The following DNAJC3 variants were observed in gnomAD, a reference collection of about 807,000 sequenced individuals.
DNAJC3 encodes the protein DnaJ heat shock protein family (Hsp40) member C3.
Under a neutral mutation model 68.6 loss-of-function variants are expected in DNAJC3, and 38 were observed. That is an observed-to-expected ratio of 0.55 (90% CI 0.43 to 0.73). The LOEUF (loss-of-function observed/expected upper bound fraction) is 0.73. Among genes scored for constraint, DNAJC3 ranks in the 30% least tolerant of loss-of-function variants. The pLI, the probability that DNAJC3 is intolerant of heterozygous loss-of-function variation, is 0.00. For missense variants in DNAJC3, 526 were observed against 591.9 expected, an observed-to-expected ratio of 0.89 and a Z score of 1.16; for synonymous variants, 203 against 204.0, an observed-to-expected ratio of 1.00 and a Z score of 0.04.
chr13:95,744,507 G>C (rs181847128), intron 4 of DNAJC3, among the ~76,000 whole-genome samples: 3 of 152,264 alleles, frequency 2.0e-5, no homozygotes, highest in Admixed American at 1.3e-4. Flanking sequence ...ATCATTTTAT[G>C]TTAAGCTTTG....
intron 9 of DNAJC3, among the ~76,000 whole-genome samples, chr13:95,771,345 AG>A (rs1227571039): frequency 1.3e-5 from 2 of 152,178 alleles, no homozygotes; most frequent in African/African-American, 2.4e-5. Context: ...ACTTTATTCA[AG>A]GGGGACTATG....
At chr13:95,772,577 G>A (rs1262311937) in intron 9 of DNAJC3, among the ~76,000 whole-genome samples, 6 of 152,138 alleles carry the variant, frequency 3.9e-5, no homozygotes, top group African/African-American at 1.4e-4. Context: ...GTGTGTGTTA[G>A]TATCTATTGT....
At chr13:95,748,083 T>G (rs1326794024) in intron 4 of DNAJC3, among the ~76,000 whole-genome samples, 8 of 152,228 alleles carry the variant, frequency 5.3e-5, no homozygotes, top group Admixed American at 5.2e-4. Context: ...TCATCTATTC[T>G]TGGTCTTCAT....
At chr13:95,709,442 A>T in intron 2 of DNAJC3, 105 bp downstream of exon 2, 1 of 790,034 alleles carries the variant, frequency 1.3e-6, no homozygotes, top group Non-Finnish European at 1.9e-6. Flanking sequence ...TCATGTTTAA[A>T]TAAAACATTT....
intron 4 of DNAJC3, among the ~76,000 whole-genome samples, chr13:95,748,197 A>C (rs560479899): frequency 6.6e-5 from 10 of 152,318 alleles, no homozygotes; most frequent in African/African-American, 1.9e-4. Context: ...AATTATATTT[A>C]ATTCAATTTA....
Position 95,760,816 on chromosome 13 carries a change from C to T in DNAJC3, c.848+18C>T. ...GATGGCAGGTGAGAATATGGTTGTT[C>T]CAACTGTCCAGCCATTCCTTATGTG... On this transcript the variant is annotated intron_variant, in intron 7 of 11. Transcript: ENST00000602402. 6.2e-7 allele frequency: 1 copy of T among 1,606,576 alleles called. No homozygotes were observed. The highest frequency in any genetic ancestry group is 8.5e-7 in the Non-Finnish European group (1 of 1,176,392).
At chr13:95,766,567 C>T (rs1005343880) in intron 9 of DNAJC3, among the ~76,000 whole-genome samples, 2 of 152,078 alleles carry the variant, frequency 1.3e-5, no homozygotes, top group Non-Finnish European at 2.9e-5. Flanking sequence ...TGATGCAGTC[C>T]TGGTGCTTGT....
intron 4 of DNAJC3, among the ~76,000 whole-genome samples, chr13:95,736,387 C>A (rs1435671711): frequency 6.7e-6 from 1 of 149,630 alleles, no homozygotes; most frequent in Non-Finnish European, 1.5e-5. Flanking sequence ...ATGGGGATGG[C>A]ATTGAATCTA....
rs1250257724 is a variant in DNAJC3 at position 95,738,618 on chromosome 13, C to A, written c.393+13366C>A. ...CTTTTGATCTTTGTTGGTTTAAAGTCTGTTTTATCAGAGACAAGGATTGCA... is the reference window on the plus strand; with the variant it reads ...CTTTTGATCTTTGTTGGTTTAAAGTATGTTTTATCAGAGACAAGGATTGCA... On this transcript the variant is annotated intron_variant, in intron 4 of 11. Coordinates refer to ENST00000602402, the MANE Select transcript of DNAJC3 (RefSeq NM_006260.5). 4.6e-5 allele frequency among the ~76,000 whole-genome samples: 7 copies of A among 152,208 alleles called. No homozygotes were observed. The South Asian group carries it at 6.2e-4, about 14-fold the overall frequency.
intron 4 of DNAJC3, among the ~76,000 whole-genome samples, chr13:95,744,375 C>T (rs1041338839): frequency 6.6e-6 from 1 of 152,156 alleles, no homozygotes; most frequent in East Asian, 1.9e-4. Context: ...AGTTAAATTT[C>T]AAAACTACAA....
At chr13:95,686,207 C>T (rs1426402115) in intron 1 of DNAJC3, among the ~76,000 whole-genome samples, 10 of 152,014 alleles carry the variant, frequency 6.6e-5, no homozygotes, top group Non-Finnish European at 1.3e-4. Flanking sequence ...GTGAGCCACC[C>T]GCCTTGGCCT....
intron 4 of DNAJC3, among the ~76,000 whole-genome samples, chr13:95,736,112 G>C (rs1244868751): frequency 2.6e-5 from 4 of 152,074 alleles, no homozygotes; most frequent in African/African-American, 9.7e-5. Flanking sequence ...TCTCAGGTTT[G>C]TCAAAGATCA....
intron 9 of DNAJC3, among the ~76,000 whole-genome samples, chr13:95,779,119 C>CTTTTTTTTTT (rs142933580): frequency 4.1e-5 from 4 of 97,974 alleles, no homozygotes; most frequent in South Asian, 3.2e-4. Context: ...TTTCTTCTTT[C>CTTTTTTTTTT]TTTTTTTTTT....
At chr13:95,755,160 A>T (rs1882612487) in intron 4 of DNAJC3, among the ~76,000 whole-genome samples, 1 of 152,134 alleles carries the variant, frequency 6.6e-6, no homozygotes, top group Admixed American at 6.5e-5. Flanking sequence ...AAAAATCTTC[A>T]TCTCAGACGG....
At chr13:95,678,827 T>G (rs1333565044) in intron 1 of DNAJC3, among the ~76,000 whole-genome samples, 1 of 152,224 alleles carries the variant, frequency 6.6e-6, no homozygotes, top group African/African-American at 2.4e-5. Context: ...TAAGGACTCT[T>G]AACTCTTCAT....
At chr13:95,789,696 G>GTAT (rs1430448280) in intron 11 of DNAJC3, among the ~76,000 whole-genome samples, 1 of 152,162 alleles carries the variant, frequency 6.6e-6, no homozygotes, top group Non-Finnish European at 1.5e-5. Context: ...GAGTTGAATG[G>GTAT]TATTTCTTTC....
At position 95,794,617 on chromosome 13, in the gene DNAJC3, T is replaced by G. The variant is rs1453287040; in HGVS notation, c.*3587T>G. 4 of 152,358 alleles carry G rather than the reference T, an allele frequency of 2.6e-5. No homozygotes were observed. The highest frequency in any genetic ancestry group is 3.9e-4 in the East Asian group (2 of 5,186). 9.4% of individuals were successfully genotyped at this position (152,358 alleles called of 1,614,324 possible). A position where few individuals can be genotyped will look rare whatever the true frequency, so the allele number is the denominator to read the frequency against. On this transcript the variant is annotated 3_prime_UTR_variant, in exon 12 of 12. Coordinates refer to ENST00000602402, the MANE Select transcript of DNAJC3 (RefSeq NM_006260.5). ...AGAGGTGGGATTATTTGGGGGTTTTTTTTGTTTGTTTACAGATGATCTCAT... is the reference window on the plus strand; with the variant it reads ...AGAGGTGGGATTATTTGGGGGTTTTGTTTGTTTGTTTACAGATGATCTCAT...
Position 95,781,252 on chromosome 13 carries a change from C to T in DNAJC3, c.1076-4687C>T, listed in dbSNP as rs563011638. On this transcript the variant is annotated intron_variant, in intron 9 of 11. Coordinates refer to ENST00000602402, the MANE Select transcript of DNAJC3 (RefSeq NM_006260.5). Reference sequence around the variant, plus strand: ...ACTCTGCTTATAGTAGGGATTAATGCTGCAGCCAGTGGCTCCATATACAGG... The same window carrying T: ...ACTCTGCTTATAGTAGGGATTAATGTTGCAGCCAGTGGCTCCATATACAGG... Among the ~76,000 whole-genome samples the T allele has an allele frequency of 1.1e-4, 17 of 152,262 alleles. No homozygotes were observed. In the South Asian group the frequency reaches 3.3e-3, roughly 30 times the overall value.
chr13:95,709,485 T>A, intron 2 of DNAJC3, 148 bp downstream of exon 2: 1 of 597,500 alleles, frequency 1.7e-6, no homozygotes, highest in Non-Finnish European at 2.8e-6. Flanking sequence ...GCGAAATAGA[T>A]GGATAAAATA....
Sources: gnomAD v4.1 joint callset for allele counts (sites outside exome capture counted in the v4.1 genomes callset) on GRCh38, gnomAD v4.1.1 for gene constraint, MANE v1.5 for transcripts, NCBI Gene and HGNC (gene_info 2026-07-23, HGNC 2026-07-21) for gene names.